Variants in TTC34 observed in about 807,000 individuals in gnomAD.
TTC34 encodes tetratricopeptide repeat protein 34.
A neutral mutation model predicts 40.7 loss-of-function variants in TTC34; 44 were observed. The observed-to-expected ratio is 1.08, with a 90% CI of 0.85 to 1.39. The LOEUF (loss-of-function observed/expected upper bound fraction) is 1.39, where lower values mean the gene tolerates loss of function less well. TTC34 is among the 40% of genes most tolerant of loss of function. The pLI is 0.00. For missense variants in TTC34, 884 were observed against 838.0 expected (o/e 1.05, Z -0.68); for synonymous variants, 422 against 398.6 (o/e 1.06, Z -0.70).
At chr1:2,683,417 G>T (rs1640169073) in intron 6 of TTC34, among the ~76,000 whole-genome samples, 2 of 143,616 alleles carry the variant, frequency 1.4e-5, no homozygotes, top group Non-Finnish European at 3.1e-5. Flanking sequence ...CGATAGCCTG[G>T]AACACCACCC....
intron 2 of TTC34, among the ~76,000 whole-genome samples, chr1:2,797,111 A>C (rs1289998623): frequency 4.6e-5 from 7 of 151,994 alleles, no homozygotes. Context: ...GGTTAGGAGC[A>C]CCCCAGGGGC....
At chr1:2,754,169 A>C (rs1352225392) in intron 6 of TTC34, among the ~76,000 whole-genome samples, 987 of 9,208 alleles carry the variant, frequency 0.11, 1 homozygote, top group Middle Eastern at 0.33. Context: ...TCTGGAGCAG[A>C]ACCCACACCC....
intron 1 of TTC34, 115 bp from the exon 2 acceptor site, chr1:2,800,983 T>C (rs1557695858): frequency 2.5e-6 from 1 of 397,766 alleles, no homozygotes; most frequent in Non-Finnish European, 4.4e-6. Flanking sequence ...CCACGGTCAG[T>C]GCAGACCCCA....
chr1:2,749,808 C>T (rs1569687368), intron 6 of TTC34, among the ~76,000 whole-genome samples: 4 of 91,444 alleles, frequency 4.4e-5, no homozygotes, highest in Non-Finnish European at 8.6e-5. Flanking sequence ...CCCACACCCC[C>T]AGGTGAGCAT....
Position 2,752,098 on chromosome 1 carries a change from G to A in TTC34, c.2226+31511C>T, listed in dbSNP as rs1173111665. Among the ~76,000 whole-genome samples the A allele has an allele frequency of 1.0e-4, 11 of 109,824 alleles. 5 individuals carry two copies. Among genetic ancestry groups the A allele is most frequent in the African/African-American group, 3.9e-4 (9 of 23,374 alleles). 72.0% of individuals were successfully genotyped at this position (109,824 alleles called of 152,430 possible). A position where few individuals can be genotyped will look rare whatever the true frequency, so the allele number is the denominator to read the frequency against. ...CGGAGCAGCACCCACACCTTCAGGC[G>A]AGCATCGGACAGCCTGGAGCAACAC... On this transcript the variant is annotated intron_variant, in intron 6 of 8. Transcript: ENST00000401095.
chr1:2,750,319 C>A lies in TTC34; in HGVS notation c.2226+33290G>T. ...GCATCTGACAGACTGGAACTGCACC[C>A]CCATGCCCAGGTGAGCCTCTGACAG... On this transcript the variant is annotated intron_variant, in intron 6 of 8. Coordinates refer to ENST00000401095, the Ensembl canonical transcript of TTC34. 2.2e-5 allele frequency among the ~76,000 whole-genome samples: 2 copies of A among 90,618 alleles called. 1 individual carries two copies. Among genetic ancestry groups the A allele is most frequent in the East Asian group, 8.6e-4 (2 of 2,336 alleles). 59.4% of individuals were successfully genotyped at this position (90,618 alleles called of 152,430 possible). A position where few individuals can be genotyped will look rare whatever the true frequency, so the allele number is the denominator to read the frequency against.
At chr1:2,641,623 C>T (rs1418967332) in exon 9 of TTC34, 13 of 1,534,628 alleles carry the variant, frequency 8.5e-6, no homozygotes, top group Non-Finnish European at 1.0e-5. Flanking sequence ...CCCCTGCGGC[C>T]GCCGCCTCAT....
At chr1:2,660,821 A>G (rs1424298611) in intron 6 of TTC34, among the ~76,000 whole-genome samples, 1 of 8,850 alleles carries the variant, frequency 1.1e-4, no homozygotes, top group African/African-American at 3.7e-4. Context: ...AGCCTGGAAC[A>G]GCACCCACAT....
intron 3 of TTC34, 44 bp from the exon 4 acceptor site, chr1:2,787,750 C>T (rs1643611125): frequency 7.0e-7 from 1 of 1,437,610 alleles, no homozygotes; most frequent in Non-Finnish European, 9.4e-7. Flanking sequence ...TTTTGACAAC[C>T]CCTCCACCTG....
intron 6 of TTC34, among the ~76,000 whole-genome samples, chr1:2,683,667 G>C (rs1436875673): frequency 5.7e-3 from 235 of 41,040 alleles, no homozygotes; most frequent in Middle Eastern, 0.015. Flanking sequence ...GGAGCAGCAC[G>C]CTGCACCCCC....
intron 6 of TTC34, among the ~76,000 whole-genome samples, chr1:2,685,140 C>T (rs1640269153): frequency 6.2e-5 from 9 of 145,290 alleles, no homozygotes; most frequent in South Asian, 2.1e-4. Context: ...CATCGGACGG[C>T]CTGGAACAGC....
chr1:2,757,798 G>T (rs1192477018), intron 6 of TTC34, among the ~76,000 whole-genome samples: 1 of 146,560 alleles, frequency 6.8e-6, no homozygotes, highest in East Asian at 2.0e-4. Flanking sequence ...ACACCTTCCG[G>T]CGAGCATCCG....
intron 6 of TTC34, among the ~76,000 whole-genome samples, chr1:2,691,083 T>C (rs1397673011): frequency 9.1e-4 from 34 of 37,490 alleles, no homozygotes; most frequent in Middle Eastern, 0.025. Context: ...ATCTGATGCT[T>C]TGGAGCAGCA....
Position 2,767,542 on chromosome 1 carries a change from C to CA in TTC34, c.2226+16066_2226+16067insT, listed in dbSNP as rs1300979592. Among the ~76,000 whole-genome samples the CA allele has an allele frequency of 1.3e-3, 170 of 128,092 alleles. 1 individual carries two copies. The highest frequency in any genetic ancestry group is 3.8e-3 in the Middle Eastern group (1 of 262). 84.0% of individuals were successfully genotyped at this position (128,092 alleles called of 152,430 possible). On this transcript the variant is annotated intron_variant, in intron 6 of 8. Transcript: ENST00000401095. The stretch of plus-strand genomic sequence containing the variant: ...CCCACTCTTCCAGGTGAGAATCTGA[C>CA]GCATAAAACAGCACCCTGCAACCCC...
intron 6 of TTC34, among the ~76,000 whole-genome samples, chr1:2,697,354 G>A (rs1211210096): frequency 6.9e-6 from 1 of 144,856 alleles, no homozygotes; most frequent in African/African-American, 2.6e-5. Flanking sequence ...ACCTGGAACA[G>A]CACCCATACG....
At chr1:2,691,058 CAA>C (rs1640595783) in intron 6 of TTC34, among the ~76,000 whole-genome samples, 1 of 84,710 alleles carries the variant, frequency 1.2e-5, no homozygotes, top group African/African-American at 3.8e-5. Context: ...TCAGCACCCA[CAA>C]ACCCAGGTGA....
intron 6 of TTC34, among the ~76,000 whole-genome samples, chr1:2,694,957 G>A (rs1640792180): frequency 1.3e-5 from 2 of 151,722 alleles, no homozygotes; most frequent in Non-Finnish European, 2.9e-5. Flanking sequence ...CACACCCCCA[G>A]GTGAGCATCT....
chr1:2,688,769 C>A (rs1486698998), intron 6 of TTC34, among the ~76,000 whole-genome samples: 8 of 114,974 alleles, frequency 7.0e-5, no homozygotes, highest in Non-Finnish European at 6.8e-5. Flanking sequence ...ACAGCACCCA[C>A]ATCCCCAGGC....
chr1:2,683,675 C>T (rs571543102), intron 6 of TTC34, among the ~76,000 whole-genome samples: 4 of 150,122 alleles, frequency 2.7e-5, no homozygotes, highest in Admixed American at 6.6e-5. Flanking sequence ...ACGCTGCACC[C>T]CCAGGTGACG....
Sources: allele counts gnomAD v4.1 joint callset (sites outside exome capture counted in the v4.1 genomes callset), GRCh38; gene constraint gnomAD v4.1.1; transcripts MANE v1.5; gene names NCBI Gene and HGNC (gene_info 2026-07-23, HGNC 2026-07-21).